Variants in ANXA8 observed in about 807,000 individuals in gnomAD.
The protein encoded by ANXA8 is VAC-beta.
ANXA8 carries 9 observed loss-of-function variants against 26.8 expected under a neutral mutation model. The observed-to-expected ratio is 0.34, with a 90% CI of 0.20 to 0.59. The LOEUF (loss-of-function observed/expected upper bound fraction) is 0.59, where lower values mean the gene tolerates loss of function less well. Ranked by LOEUF, ANXA8 falls within the 20% of genes least tolerant of loss-of-function variation. The pLI is 0.84. For synonymous variants in ANXA8, 39 were observed against 94.8 expected (o/e 0.41, Z 3.42); for missense variants, 83 against 238.5 (o/e 0.35, Z 4.29).
the ANXA8 span, chr10:47,502,965 C>T: frequency 6.3e-7 from 1 of 1,580,716 alleles, no homozygotes; most frequent in African/African-American, 1.5e-5. Flanking sequence ...GCGGGTTGAG[C>T]TTGGGGCTGG....
chr10:47,735,745 TC>T, the ANXA8 span, among the ~76,000 whole-genome samples: 2 of 151,660 alleles, frequency 1.3e-5, no homozygotes, highest in African/African-American at 4.9e-5. Context: ...GCTCAAGTGA[TC>T]CTCCTGCCTC....
the ANXA8 span, among the ~76,000 whole-genome samples, chr10:47,640,917 C>G: frequency 1.5e-5 from 2 of 132,314 alleles, 1 homozygote; most frequent in African/African-American, 6.7e-5. Flanking sequence ...AAGTAGGGAA[C>G]AGGATGAAGT....
chr10:47,513,512 T>G, the ANXA8 span, among the ~76,000 whole-genome samples: 33 of 142,084 alleles, frequency 2.3e-4, 5 homozygotes, highest in Non-Finnish European at 4.6e-4. Context: ...ACCACCATCC[T>G]TCTTCACAGA....
chr10:47,694,584 C>T, the ANXA8 span, among the ~76,000 whole-genome samples: 217 of 151,680 alleles, frequency 1.4e-3, 2 homozygotes, highest in African/African-American at 5.2e-3. Flanking sequence ...CCACGCCTGA[C>T]TAATTTTTGT....
At chr10:47,738,234 A>C in the ANXA8 span, among the ~76,000 whole-genome samples, 1 of 137,834 alleles carries the variant, frequency 7.3e-6, no homozygotes. Flanking sequence ...AGGAACTGCC[A>C]AACTTTTCTA....
the ANXA8 span, among the ~76,000 whole-genome samples, chr10:47,717,611 A>G: frequency 7.6e-6 from 1 of 131,930 alleles, no homozygotes; most frequent in Admixed American, 7.4e-5. Flanking sequence ...CAAAGTCCAC[A>G]TTCAGCGTGA....
the ANXA8 span, among the ~76,000 whole-genome samples, chr10:47,628,306 G>T: frequency 6.6e-6 from 1 of 152,106 alleles, no homozygotes; most frequent in African/African-American, 2.4e-5. Context: ...TTGTTAACAA[G>T]GAAGAAACAT....
the ANXA8 span, chr10:47,920,978 TC>T: frequency 1.7e-3 from 175 of 104,780 alleles, no homozygotes; most frequent in African/African-American, 5.8e-3. Flanking sequence ...AACTCTGGAG[TC>T]TAAATTCCAA....
chr10:47,622,109 C>G, the ANXA8 span, among the ~76,000 whole-genome samples: 1 of 112,090 alleles, frequency 8.9e-6, no homozygotes, highest in Non-Finnish European at 1.9e-5. Context: ...TGCTTCACAT[C>G]ATAACCATTA....
At chr10:47,503,227 T>C in the ANXA8 span, 1 of 1,560,924 alleles carries the variant, frequency 6.4e-7, no homozygotes, top group Non-Finnish European at 8.7e-7. Flanking sequence ...GTATTTCTTT[T>C]TCCATGTCTT....
At chr10:47,701,537 A>G in the ANXA8 span, among the ~76,000 whole-genome samples, 2 of 151,914 alleles carry the variant, frequency 1.3e-5, no homozygotes, top group Non-Finnish European at 2.9e-5. Context: ...AGAATGAAAA[A>G]GATCTCTACG....
chr10:47,628,319 T>G, the ANXA8 span, among the ~76,000 whole-genome samples: 1 of 152,092 alleles, frequency 6.6e-6, no homozygotes, highest in Non-Finnish European at 1.5e-5. Flanking sequence ...AGAAACATAC[T>G]AATATGAATG....
the ANXA8 span, among the ~76,000 whole-genome samples, chr10:47,660,839 A>G: frequency 6.7e-6 from 1 of 148,174 alleles, no homozygotes; most frequent in African/African-American, 2.5e-5. Context: ...GGCTACATTC[A>G]TGAGTGCCAC....
At chr10:47,973,725 G>C in the ANXA8 span, among the ~76,000 whole-genome samples, 8 of 151,054 alleles carry the variant, frequency 5.3e-5, no homozygotes, top group East Asian at 1.6e-3. Flanking sequence ...TCAGGGTGAG[G>C]CTACCTGGAT....
At chr10:47,706,696 T>G in the ANXA8 span, 1 of 1,433,394 alleles carries the variant, frequency 7.0e-7, no homozygotes, top group Non-Finnish European at 9.6e-7. Context: ...AGGATGATTT[T>G]GGAGGCAGAA....
At chr10:47,581,024 C>T in the ANXA8 span, among the ~76,000 whole-genome samples, 38 of 150,298 alleles carry the variant, frequency 2.5e-4, 2 homozygotes, top group East Asian at 3.3e-3. Flanking sequence ...TTCAGTGAGG[C>T]GAGATCACGC....
chr10:47,699,361 A>C, the ANXA8 span, among the ~76,000 whole-genome samples: 1 of 148,112 alleles, frequency 6.8e-6, no homozygotes, highest in Non-Finnish European at 1.5e-5. Context: ...AAAAAAAAAA[A>C]AAAAAAGAAA....
At chr10:47,572,300 C>T in the ANXA8 span, among the ~76,000 whole-genome samples, 85,045 of 123,522 alleles carry the variant, frequency 0.69, 26,784 homozygotes, top group Non-Finnish European at 0.75. Context: ...CTTCTCATCC[C>T]CTTATATCTC....
the ANXA8 span, among the ~76,000 whole-genome samples, chr10:47,679,754 CA>C: frequency 2.0e-5 from 3 of 151,496 alleles, no homozygotes; most frequent in East Asian, 1.9e-4. Context: ...CCCTGTCTCT[CA>C]AAAAAAAGTT....
Sources: gnomAD v4.1 joint callset for allele counts (sites outside exome capture counted in the v4.1 genomes callset) on GRCh38, gnomAD v4.1.1 for gene constraint, MANE v1.5 for transcripts, NCBI Gene and HGNC (gene_info 2026-07-23, HGNC 2026-07-21) for gene names.